ACBD5: variants seen among roughly 807,000 people sequenced by gnomAD.
ACBD5 encodes the protein acyl-CoA binding domain containing 5.
ACBD5 carries 40 observed loss-of-function variants against 71.8 expected under a neutral mutation model. The observed-to-expected ratio is 0.56, with a 90% confidence interval of 0.43 to 0.72. The LOEUF is 0.72. ACBD5 is among the 30% of genes least tolerant of loss of function. The probability of loss-of-function intolerance (pLI) is 0.00; values close to 1 mark genes in which losing one functional copy is unlikely to be tolerated. For synonymous variants in ACBD5, 229 were observed against 218.6 expected (o/e 1.05, Z -0.42); for missense variants, 559 against 644.5 (o/e 0.87, Z 1.44).
chr10:27,225,970 T>C (rs775992511), intron 4 of ACBD5, among the ~76,000 whole-genome samples: 1 of 152,096 alleles, frequency 6.6e-6, no homozygotes, highest in Non-Finnish European at 1.5e-5. Flanking sequence ...TCATGCCCCA[T>C]AGGGTAAAAG....
At chr10:27,216,429 C>A (rs1330571474) in intron 7 of ACBD5, among the ~76,000 whole-genome samples, 1 of 152,114 alleles carries the variant, frequency 6.6e-6, no homozygotes. Context: ...GCATGAATCA[C>A]CGCACTCAGC....
At chr10:27,194,723 T>C (rs788229), downstream of ACBD5, among the ~76,000 whole-genome samples, 150,836 of 151,806 alleles carry the variant, frequency 0.99, 74,942 homozygotes, top group Middle Eastern at 1. Context: ...ACCGGCTGGG[T>C]GCAGTGGCTC....
In ACBD5 at chr10:27,240,345, T is replaced by C. The variant is rs1452887534; in HGVS notation, c.155A>G (p.Lys52Arg). 1.2e-6 allele frequency: 2 copies of C among 1,613,776 alleles called. No homozygotes were observed. Among genetic ancestry groups the C allele is most frequent in the Non-Finnish European group, 1.7e-6 (2 of 1,179,994 alleles). ...ATTCTTCGGCAAACTCTGGATCACC[T>C]TCACGGCCGCCTCAAACCTAGTCTC... ...VHETRFEAAVKVIQSLPKNGS... is the reference protein window; with the variant it reads ...VHETRFEAAVRVIQSLPKNGS... The change falls in exon 2 of 13, where the codon AAG (lysine) becomes AGG (arginine). Residue 52 changes from lysine to arginine, a missense_variant. Transcript: ENST00000396271. The surrounding 1 kb of genome is among the most constrained non-coding windows in gnomAD (Gnocchi z 4.1).
intron 13 of ACBD5, among the ~76,000 whole-genome samples, chr10:27,187,173 G>A (rs529323187): frequency 5.9e-5 from 9 of 152,262 alleles, no homozygotes; most frequent in Admixed American, 1.3e-4. Flanking sequence ...GTTGGTGGGC[G>A]CCTGTAGTCC....
At chr10:27,236,290 A>G (rs1299323592) in intron 2 of ACBD5, among the ~76,000 whole-genome samples, 1 of 152,160 alleles carries the variant, frequency 6.6e-6, no homozygotes, top group Non-Finnish European at 1.5e-5. Context: ...GTAGAAAAAT[A>G]TAAATAATGG....
At chr10:27,215,408 T>C in intron 8 of ACBD5, 127 bp downstream of exon 8, 1 of 686,576 alleles carries the variant, frequency 1.5e-6, no homozygotes, top group Non-Finnish European at 2.5e-6. Context: ...AATACAAATG[T>C]TTAAACATTT....
At position 27,195,364 on chromosome 10, in the gene ACBD5, T is replaced by C. The variant is rs2059291491; in HGVS notation, c.*2066A>G. 2.2e-6 allele frequency: 1 copy of C among 454,342 alleles called. No homozygotes were observed. The highest frequency in any genetic ancestry group is 4.4e-6 in the Non-Finnish European group (1 of 226,758). The allele number at this position is 454,342 out of a possible 1,614,324, so 28.1% of individuals were successfully genotyped here. A position where few individuals can be genotyped will look rare whatever the true frequency, so the allele number is the denominator to read the frequency against. On this transcript the variant is annotated 3_prime_UTR_variant, in exon 13 of 13. Transcript: ENST00000396271. ...TATCCTATAATTACATCTTTACTTT[T>C]ATATACAAGAACTGTGTGCAAAGTG... is the stretch of plus-strand genomic sequence containing the variant.
At chr10:27,191,638 C>G (rs1206845077), downstream of ACBD5, among the ~76,000 whole-genome samples, 1 of 152,200 alleles carries the variant, frequency 6.6e-6, no homozygotes, top group East Asian at 1.9e-4. Flanking sequence ...AAGCCTAACA[C>G]TTTGGGAGAT....
intron 4 of ACBD5, among the ~76,000 whole-genome samples, chr10:27,225,255 T>C (rs1472384493): frequency 7.9e-5 from 12 of 152,104 alleles, no homozygotes; most frequent in African/African-American, 2.9e-4. Context: ...AGTGCTGGGG[T>C]TATAGGTGTT....
downstream of ACBD5, among the ~76,000 whole-genome samples, chr10:27,194,807 C>T (rs1284419036): frequency 6.6e-6 from 1 of 151,620 alleles, no homozygotes; most frequent in Non-Finnish European, 1.5e-5. Context: ...ACCATCCTGG[C>T]CAACGTGGTG....
chr10:27,194,651 G>T (rs866174292), downstream of ACBD5, among the ~76,000 whole-genome samples: 27 of 78,538 alleles, frequency 3.4e-4, no homozygotes, highest in South Asian at 2.2e-3. Flanking sequence ...ATAATAATAA[G>T]ATGGTTGATT....
In ACBD5 at chr10:27,235,188, A is replaced by G. The variant is rs1217254896; in HGVS notation, c.206T>C (p.Met69Thr). 1.9e-6 allele frequency: 3 copies of G among 1,614,012 alleles called. No homozygotes were observed. The highest frequency in any genetic ancestry group is 3.3e-5 in the Admixed American group (2 of 60,028). The change falls in exon 3 of 13, where the codon ATG becomes ACG. Residue 69 changes from methionine to threonine, a missense_variant. Coordinates refer to ENST00000396271, the MANE Select transcript of ACBD5 (RefSeq NM_145698.5). ...ATAGAAGCTATAAAATTTAAGCATCATTTCATTTGTTGGCTGGAATGAACC... is the reference window on the plus strand; with the variant it reads ...ATAGAAGCTATAAAATTTAAGCATCGTTTCATTTGTTGGCTGGAATGAACC... ...KNGSFQPTNE[M>T]MLKFYSFYKQ...
intron 4 of ACBD5, among the ~76,000 whole-genome samples, chr10:27,229,356 G>A (rs969004156): frequency 2.6e-5 from 4 of 151,872 alleles, no homozygotes; most frequent in African/African-American, 4.8e-5. Flanking sequence ...TTGCAAGACC[G>A]AGGTGAGTGT....
intron 8 of ACBD5, among the ~76,000 whole-genome samples, chr10:27,212,102 A>T (rs1282935310): frequency 2.0e-5 from 3 of 152,194 alleles, no homozygotes; most frequent in Non-Finnish European, 4.4e-5. Context: ...TAATCCCAGC[A>T]GTTTGGGAGG....
intron 2 of ACBD5, among the ~76,000 whole-genome samples, chr10:27,238,145 CCGTATTAG>C (rs1278567977): frequency 1.3e-5 from 2 of 151,912 alleles, no homozygotes; most frequent in Non-Finnish European, 2.9e-5. Flanking sequence ...CGGGGTTTCA[CCGTATTAG>C]CCAGGATGGT....
At chr10:27,211,180 T>C (rs1453500790) in intron 8 of ACBD5, 99 bp from the exon 9 acceptor site, 5 of 1,210,384 alleles carry the variant, frequency 4.1e-6, no homozygotes, top group African/African-American at 1.5e-5. Flanking sequence ...TCCTAAAATG[T>C]TCTTTCATGT....
At chr10:27,213,294 A>C (rs1293833471) in intron 8 of ACBD5, among the ~76,000 whole-genome samples, 1 of 152,252 alleles carries the variant, frequency 6.6e-6, no homozygotes, top group Non-Finnish European at 1.5e-5. Context: ...AATGCAAATC[A>C]AAACTACAAT....
At chr10:27,192,101 G>T (rs141402567), downstream of ACBD5, among the ~76,000 whole-genome samples, 425 of 152,024 alleles carry the variant, frequency 2.8e-3, 3 homozygotes, top group African/African-American at 9.6e-3. Context: ...TAAGAAAAAG[G>T]AATACCCAAG....
Sources: gnomAD v4.1 joint callset for allele counts (sites outside exome capture counted in the v4.1 genomes callset) on GRCh38, gnomAD v4.1.1 for gene constraint, Gnocchi (gnomAD v3.1) non-coding constraint, MANE v1.5 for transcripts, NCBI Gene and HGNC (gene_info 2026-07-23, HGNC 2026-07-21) for gene names.